Variants in CEP72 observed in about 807,000 individuals in gnomAD.
The protein encoded by CEP72 is centrosomal protein 72, also known as centrosomal protein of 72 kDa.
A neutral mutation model predicts 65.7 loss-of-function variants in CEP72; 78 were observed. The ratio of observed to expected loss-of-function variants is 1.19; its 90% CI spans 0.99 to 1.43. The LOEUF (loss-of-function observed/expected upper bound fraction) is 1.43, where lower values mean the gene tolerates loss of function less well. Ranked by LOEUF, CEP72 falls within the 40% of genes most tolerant of loss-of-function variation. The probability of loss-of-function intolerance (pLI) is 0.00; values close to 1 mark genes in which losing one functional copy is unlikely to be tolerated. For synonymous variants in CEP72, 358 were observed against 351.7 expected (o/e 1.02, Z -0.20); for missense variants, 914 against 832.9 (o/e 1.10, Z -1.20).
downstream of CEP72, among the ~76,000 whole-genome samples, chr5:658,612 G>A (rs1580056298): frequency 9.3e-6 from 1 of 107,562 alleles, no homozygotes; most frequent in South Asian, 3.3e-4. Context: ...TCCCTGTTCT[G>A]TGTTTCTTTC....
In CEP72 at chr5:623,060, G is replaced by A. The variant is rs963314636; in HGVS notation, c.404-1411G>A. Among the ~76,000 whole-genome samples, 3 of 151,564 alleles carry A rather than the reference G, an allele frequency of 2.0e-5. No individual in the cohort carries two copies. Among genetic ancestry groups the A allele is most frequent in the African/African-American group, 4.9e-5 (2 of 41,164 alleles). On this transcript the variant is annotated intron_variant, in intron 3 of 11. Transcript: ENST00000264935. The surrounding 1 kb of genome is among the most constrained non-coding windows in gnomAD (Gnocchi z 5.3). ...GTTTCTGTAGAGAAGGAGCGCGGCC[G>A]TCTCCCTCTTAGTGTTTCTGCAGAG... is the stretch of plus-strand genomic sequence containing the variant.
At chr5:616,074 C>T (rs774774355) in intron 1 of CEP72, among the ~76,000 whole-genome samples, 43 of 152,106 alleles carry the variant, frequency 2.8e-4, no homozygotes, top group Non-Finnish European at 5.9e-4. Context: ...CAGGAGGAAA[C>T]ATATTTATCT....
In CEP72 at chr5:639,162, T is replaced by C. The variant is rs1416173584; in HGVS notation, c.1280T>C (p.Leu427Ser). 9 of 1,611,010 alleles carry C rather than the reference T, an allele frequency of 5.6e-6. No individual in the cohort carries two copies. Among genetic ancestry groups the C allele is most frequent in the African/African-American group, 1.3e-5 (1 of 74,900 alleles). The change falls in exon 8 of 12, where the codon TTG becomes TCG. Residue 427 changes from leucine (L) to serine (S), a missense_variant. By Grantham distance (145) the Leu-to-Ser change is moderately radical. Transcript: ENST00000264935. ...ALQAALLETL[L>S]DLVDRSWGGC... is the part of the protein sequence containing the mutation. ...CAGGCGGCGCTCCTGGAGACGCTCT[T>C]GGACCTGGTGGACAGGAGCTGGGGC...
rs375249229 is a variant in CEP72 at position 647,927 on chromosome 5, G to A, written c.1778+11G>A. 8.1e-5 allele frequency: 130 copies of A among 1,597,002 alleles called. No homozygotes were observed. Among genetic ancestry groups the A allele is most frequent in the African/African-American group, 5.1e-4 (38 of 74,686 alleles). The stretch of plus-strand genomic sequence containing the variant: ...GCAGGAGAGCCACAGGTGCCTGCCC[G>A]TGAGACTTGGGTGGGCCCCCGAGGG... On this transcript the variant is annotated intron_variant, in intron 11 of 11. Coordinates refer to ENST00000264935, the MANE Select transcript of CEP72 (RefSeq NM_018140.4).
At chr5:613,977 G>A (rs924137855) in intron 1 of CEP72, among the ~76,000 whole-genome samples, 1 of 152,244 alleles carries the variant, frequency 6.6e-6, no homozygotes, top group African/African-American at 2.4e-5. Context: ...AAGCAGGTGA[G>A]AGGGCAGCTG....
rs531345391 is a variant in CEP72 at position 640,872 on chromosome 5, C to T, written c.1539+268C>T. 1.1e-4 allele frequency: 111 copies of T among 985,446 alleles called. No homozygotes were observed. The Middle Eastern group carries it at 2.1e-3, about 19-fold the overall frequency. The allele number at this position is 985,446 out of a possible 1,614,324, so 61.0% of individuals were successfully genotyped here. A position where few individuals can be genotyped will look rare whatever the true frequency, so the allele number is the denominator to read the frequency against. ...GGGACCCTCCACCACTGGGCAGTGCCGGGTGCTGCAGGAGCCAGGCCTGGA... is the reference window on the plus strand; with the variant it reads ...GGGACCCTCCACCACTGGGCAGTGCTGGGTGCTGCAGGAGCCAGGCCTGGA... On this transcript the variant is annotated intron_variant, in intron 9 of 11. Transcript: ENST00000264935.
chr5:672,013 T>C (rs1409176314), downstream of CEP72, among the ~76,000 whole-genome samples: 1 of 152,334 alleles, frequency 6.6e-6, no homozygotes, highest in South Asian at 2.1e-4. Flanking sequence ...TCACACACAG[T>C]GCTCTGAGGA....
intron 10 of CEP72, among the ~76,000 whole-genome samples, chr5:646,798 G>A (rs1424073579): frequency 6.6e-6 from 1 of 152,188 alleles, no homozygotes; most frequent in African/African-American, 2.4e-5. Flanking sequence ...CAGAGCTGAC[G>A]GCCACCCACT....
chr5:613,962 T>C (rs879438939), intron 1 of CEP72, among the ~76,000 whole-genome samples: 1 of 152,248 alleles, frequency 6.6e-6, no homozygotes, highest in Non-Finnish European at 1.5e-5. Context: ...CACAGGGCTC[T>C]GAGGAAGCAG....
chr5:646,235 TTTCTTTTA>T (rs1738416309), intron 10 of CEP72, among the ~76,000 whole-genome samples: 1 of 152,250 alleles, frequency 6.6e-6, no homozygotes, highest in Non-Finnish European at 1.5e-5. Context: ...GTGTGAATTT[TTTCTTTTA>T]TTGCTAATTC....
chr5:640,109 C>T (rs942386285), intron 8 of CEP72, among the ~76,000 whole-genome samples: 2 of 152,320 alleles, frequency 1.3e-5, no homozygotes, highest in Middle Eastern at 3.4e-3. Flanking sequence ...ACAGGGCAGT[C>T]GGTGCTTGTG....
chr5:636,183 T>G, intron 6 of CEP72, among the ~76,000 whole-genome samples: 2 of 152,390 alleles, frequency 1.3e-5, no homozygotes, highest in South Asian at 4.1e-4. Flanking sequence ...ATTTTTCACA[T>G]CGTTTGCTTT....
At chr5:649,730 TG>T (rs1249244481) in intron 11 of CEP72, among the ~76,000 whole-genome samples, 3 of 58,248 alleles carry the variant, frequency 5.2e-5, no homozygotes, top group Admixed American at 2.2e-4. Context: ...CCGTGAGGCG[TG>T]GACTGTGAGG....
intron 8 of CEP72, 52 bp from the exon 9 acceptor site, chr5:640,356 A>G (rs1737925940): frequency 1.9e-6 from 3 of 1,574,826 alleles, no homozygotes; most frequent in Non-Finnish European, 2.6e-6. Flanking sequence ...TTTTGTTTAC[A>G]TTTCATCCTT....
At chr5:651,180 T>G (rs375077247) in intron 11 of CEP72, among the ~76,000 whole-genome samples, 5,369 of 21,486 alleles carry the variant, frequency 0.25, 1,596 homozygotes, top group African/African-American at 0.64. Context: ...TGTGAGGTGT[T>G]ACTGTGAGGC....
At chr5:628,823 C>CCCTGGGGAGTGTT in intron 4 of CEP72, among the ~76,000 whole-genome samples, 1 of 136,004 alleles carries the variant, frequency 7.4e-6, no homozygotes, top group African/African-American at 2.9e-5. Flanking sequence ...AGGTTGCCGT[C>CCCTGGGGAGTGTT]CCCAGGGAGT....
chr5:671,227 G>A (rs531172007), downstream of CEP72, among the ~76,000 whole-genome samples: 137 of 151,904 alleles, frequency 9.0e-4, no homozygotes, highest in African/African-American at 2.9e-3. Flanking sequence ...CGTTGCTGCC[G>A]GCCTTTTCGT....
At chr5:621,640 A>G (rs1736398419) in intron 3 of CEP72, among the ~76,000 whole-genome samples, 1 of 152,264 alleles carries the variant, frequency 6.6e-6, no homozygotes. Flanking sequence ...TAAGCGCCTC[A>G]GCGAGTAGAC....
rs556712824 is a variant in CEP72 at position 634,026 on chromosome 5, A to G, written c.691+79A>G. On this transcript the variant is annotated intron_variant, in intron 5 of 11. Transcript: ENST00000264935. Reference sequence around the variant, plus strand: ...ATAGTCGTTACTGGGCTTGGAGTCCACAGTTGCTCTTTTTGTGGAACTTAC... The same window carrying G: ...ATAGTCGTTACTGGGCTTGGAGTCCGCAGTTGCTCTTTTTGTGGAACTTAC... 13 of 1,347,742 alleles carry G rather than the reference A, an allele frequency of 9.6e-6. 1 individual carries two copies. In the East Asian group the frequency reaches 2.3e-4, roughly 24 times the overall value. 83.5% of individuals were successfully genotyped at this position (1,347,742 alleles called of 1,614,324 possible).
Sources: allele counts gnomAD v4.1 joint callset (sites outside exome capture counted in the v4.1 genomes callset), GRCh38; gene constraint gnomAD v4.1.1; non-coding constraint Gnocchi (gnomAD v3.1); transcripts MANE v1.5; gene names NCBI Gene and HGNC (gene_info 2026-07-23, HGNC 2026-07-21).